ZMAT3: variants seen among roughly 807,000 people sequenced by gnomAD.
ZMAT3 encodes zinc finger matrin-type 3.
In ZMAT3, 17 loss-of-function variants were observed where a neutral mutation model predicts 32.3. That is an observed-to-expected ratio of 0.53 (90% CI 0.36 to 0.79). The LOEUF (loss-of-function observed/expected upper bound fraction) is 0.79, where lower values mean the gene tolerates loss of function less well. ZMAT3 is among the 30% of genes least tolerant of loss of function. The pLI is 0.00. For synonymous variants in ZMAT3, 120 were observed against 133.1 expected, an observed-to-expected ratio of 0.90 and a Z score of 0.68; for missense variants, 329 against 359.7, an observed-to-expected ratio of 0.91 and a Z score of 0.69.
chr3:179,066,170 G>A (rs1278594620), intron 2 of ZMAT3, among the ~76,000 whole-genome samples: 1 of 152,126 alleles, frequency 6.6e-6, no homozygotes, highest in East Asian at 1.9e-4. Flanking sequence ...GGAAGACCCT[G>A]TATCAAACAA....
In ZMAT3 at chr3:179,031,013, T is replaced by A; in HGVS notation, c.271-14A>T. Reference sequence around the variant, plus strand: ...ATGATTTTTACCCTAGAAATAAAAATAAAATGAGTACAGCAGTCCACCCTT... The same window carrying A: ...ATGATTTTTACCCTAGAAATAAAAAAAAAATGAGTACAGCAGTCCACCCTT... On this transcript the variant is annotated splice_polypyrimidine_tract_variant and intron_variant, in intron 2 of 5. Coordinates refer to ENST00000311417, the MANE Select transcript of ZMAT3 (RefSeq NM_022470.4). The A allele has an allele frequency of 6.2e-7, 1 of 1,612,466 alleles. No individual in the cohort carries two copies. The highest frequency in any genetic ancestry group is 8.5e-7 in the Non-Finnish European group (1 of 1,179,154).
At position 179,023,696 on chromosome 3, in the gene ZMAT3, C is replaced by CATATATATATA. The variant is rs1560081310; in HGVS notation, c.*1320_*1321insTATATATATAT. The CATATATATATA allele has an allele frequency of 3.7e-5, 1 of 27,384 alleles. No individual in the cohort carries two copies. Among genetic ancestry groups the CATATATATATA allele is most frequent in the African/African-American group, 1.7e-4 (1 of 5,978 alleles). 1.7% of individuals were successfully genotyped at this position (27,384 alleles called of 1,614,324 possible). On this transcript the variant is annotated 3_prime_UTR_variant, in exon 6 of 6. Coordinates refer to ENST00000311417, the MANE Select transcript of ZMAT3 (RefSeq NM_022470.4). The stretch of plus-strand genomic sequence containing the variant: ...TCCTAAAAACTGCTGGAAAATATAT[C>CATATATATATA]TATATATATATATATTTTTTTTTTT...
intron 2 of ZMAT3, among the ~76,000 whole-genome samples, chr3:179,065,354 A>G (rs1054900479): frequency 6.6e-6 from 1 of 152,230 alleles, no homozygotes; most frequent in Non-Finnish European, 1.5e-5. Flanking sequence ...GAAATTAAGT[A>G]TAATTACTAA....
intron 2 of ZMAT3, among the ~76,000 whole-genome samples, chr3:179,054,432 T>C (rs1720726337): frequency 1.3e-5 from 2 of 152,258 alleles, no homozygotes; most frequent in African/African-American, 4.8e-5. Flanking sequence ...CTTAATATCC[T>C]ATAAAACAGA....
At chr3:179,048,381 TGAAA>T (rs1369908568) in intron 2 of ZMAT3, among the ~76,000 whole-genome samples, 1 of 152,134 alleles carries the variant, frequency 6.6e-6, no homozygotes, top group African/African-American at 2.4e-5. Context: ...AAAGTCAAGA[TGAAA>T]GAAAGAATCT....
At chr3:179,064,120 T>C (rs531160635) in intron 2 of ZMAT3, among the ~76,000 whole-genome samples, 1 of 152,342 alleles carries the variant, frequency 6.6e-6, no homozygotes, top group Non-Finnish European at 1.5e-5. Flanking sequence ...CGAGGCAATT[T>C]GAAACTCCAC....
chr3:179,041,962 C>G (rs530506822), intron 2 of ZMAT3, among the ~76,000 whole-genome samples: 1 of 152,142 alleles, frequency 6.6e-6, no homozygotes, highest in South Asian at 2.1e-4. Flanking sequence ...AACACCTCTA[C>G]GCAAACGAAC....
chr3:179,066,100 G>A (rs1050803407), intron 2 of ZMAT3, among the ~76,000 whole-genome samples: 3 of 152,120 alleles, frequency 2.0e-5, no homozygotes, highest in Non-Finnish European at 4.4e-5. Flanking sequence ...AGCTAATACA[G>A]TCTTGGAGTT....
intron 2 of ZMAT3, among the ~76,000 whole-genome samples, chr3:179,060,496 T>A (rs1480843479): frequency 6.6e-6 from 1 of 152,040 alleles, no homozygotes; most frequent in Non-Finnish European, 1.5e-5. Flanking sequence ...ACAAAAAAAT[T>A]AGCTGGGCGT....
intron 5 of ZMAT3, among the ~76,000 whole-genome samples, chr3:179,026,463 T>C (rs1718879294): frequency 7.0e-6 from 1 of 143,058 alleles, no homozygotes; most frequent in African/African-American, 2.6e-5. Flanking sequence ...CTCAGCTCAC[T>C]GTAGCCTCCA....
intron 2 of ZMAT3, among the ~76,000 whole-genome samples, chr3:179,052,554 A>G (rs1720624729): frequency 6.6e-6 from 1 of 152,244 alleles, no homozygotes; most frequent in Non-Finnish European, 1.5e-5. Context: ...TTAGGAATGT[A>G]AAATAGTACA....
At chr3:179,065,667 G>A (rs369501175) in intron 2 of ZMAT3, among the ~76,000 whole-genome samples, 5 of 152,262 alleles carry the variant, frequency 3.3e-5, no homozygotes, top group African/African-American at 7.2e-5. Context: ...GGCTGGGTGC[G>A]GTAGGTCACT....
At position 179,030,885 on chromosome 3, in the gene ZMAT3, G is replaced by A. The variant is rs1377436362; in HGVS notation, c.385C>T (p.Pro129Ser). Residue 129 changes from proline (P) to serine (S), a missense_variant, in exon 3 of 6, where the codon CCG becomes TCG. Pro to Ser is a moderately conservative substitution (Grantham distance 74). Coordinates refer to ENST00000311417, the MANE Select transcript of ZMAT3 (RefSeq NM_022470.4). ...CCCTGACACACATGTCTCACCTGCG[G>A]AGGGACTGGAACAACTGGAGTAGCT... ...PAATPVVPVP[P>S]QMGSFKPGGR... The A allele has an allele frequency of 3.1e-6, 5 of 1,612,716 alleles. No individual in the cohort carries two copies. The highest frequency in any genetic ancestry group is 3.3e-5 in the Admixed American group (2 of 59,856).
chr3:179,028,624 G>A (rs929941300), intron 3 of ZMAT3, among the ~76,000 whole-genome samples: 3 of 152,198 alleles, frequency 2.0e-5, no homozygotes, highest in East Asian at 1.9e-4. Flanking sequence ...GCCCCCACTG[G>A]GGGTAGCTAT....
At chr3:179,038,248 G>A (rs1440268622) in intron 2 of ZMAT3, among the ~76,000 whole-genome samples, 1 of 152,210 alleles carries the variant, frequency 6.6e-6, no homozygotes, top group Non-Finnish European at 1.5e-5. Context: ...GTTAGAGATA[G>A]AATCTGAGGA....
intron 2 of ZMAT3, among the ~76,000 whole-genome samples, chr3:179,048,809 T>C (rs1037578399): frequency 7.3e-6 from 1 of 137,768 alleles, no homozygotes; most frequent in Non-Finnish European, 1.6e-5. Flanking sequence ...ATGAACAAAA[T>C]AGTACTTCAC....
intron 1 of ZMAT3, among the ~76,000 whole-genome samples, chr3:179,070,607 A>G (rs909920198): frequency 3.3e-5 from 5 of 152,224 alleles, no homozygotes; most frequent in African/African-American, 1.2e-4. Context: ...GAATACAGAG[A>G]CCCAAAACAT....
chr3:179,030,868 C>T lies in ZMAT3; in HGVS notation c.390+12G>A, dbSNP rs1719144049. 1 of 1,606,308 alleles carries T rather than the reference C, an allele frequency of 6.2e-7. No individual in the cohort carries two copies. Among genetic ancestry groups the T allele is most frequent in the East Asian group, 2.2e-5 (1 of 44,562 alleles). ...ACCCTAATGCTGCTTCACCCTGACA[C>T]ACATGTCTCACCTGCGGAGGGACTG... On this transcript the variant is annotated intron_variant, in intron 3 of 5. Transcript: ENST00000311417.
intron 2 of ZMAT3, among the ~76,000 whole-genome samples, chr3:179,038,358 A>G (rs1719720306): frequency 6.6e-6 from 1 of 152,196 alleles, no homozygotes; most frequent in African/African-American, 2.4e-5. Context: ...AGGCAGAAGG[A>G]TCACTTGAGT....
Sources: gnomAD v4.1 joint callset for allele counts (sites outside exome capture counted in the v4.1 genomes callset) on GRCh38, gnomAD v4.1.1 for gene constraint, MANE v1.5 for transcripts, NCBI Gene and HGNC (gene_info 2026-07-23, HGNC 2026-07-21) for gene names.